Variants in WDR72 observed in about 807,000 individuals in gnomAD.
WDR72 encodes the protein WD repeat-containing protein 72.
In WDR72, 120 loss-of-function variants were observed where a neutral mutation model predicts 124.2. The observed-to-expected ratio is 0.97, with a 90% CI of 0.83 to 1.12. WDR72 has a LOEUF of 1.12. Ranked by LOEUF, WDR72 falls within the 50% of genes most tolerant of loss-of-function variation. WDR72 has a pLI of 0.00. For synonymous variants in WDR72, 452 were observed against 441.7 expected (o/e 1.02, Z -0.29); for missense variants, 1,387 against 1,278.8 (o/e 1.08, Z -1.29).
intron 18 of WDR72, among the ~76,000 whole-genome samples, chr15:53,572,839 G>A (rs1475040166): frequency 6.6e-6 from 1 of 152,164 alleles, no homozygotes; most frequent in Non-Finnish European, 1.5e-5. Flanking sequence ...CAGAAAGTCA[G>A]CATTCAGTAG....
chr15:53,516,596 G>A lies in WDR72; in HGVS notation c.*1103C>T, dbSNP rs1891472481. The A allele has an allele frequency of 6.6e-6, 1 of 151,978 alleles. No individual in the cohort carries two copies. Among genetic ancestry groups the A allele is most frequent in the Non-Finnish European group, 1.5e-5 (1 of 67,956 alleles). The allele number at this position is 151,978 out of a possible 1,614,324, so 9.4% of individuals were successfully genotyped here. ...TCCACTGCATCCCACCATAGGACCT[G>A]AGGCTGCTCCTATGCTCAGAGATAT... On this transcript the variant is annotated 3_prime_UTR_variant, in exon 20 of 20. Transcript: ENST00000360509.
chr15:53,608,730 T>C (rs1381742335), intron 17 of WDR72, among the ~76,000 whole-genome samples: 1 of 146,304 alleles, frequency 6.8e-6, no homozygotes, highest in South Asian at 2.2e-4. Context: ...CACTCCAGAC[T>C]GGGTGACAGA....
intron 1 of WDR72, among the ~76,000 whole-genome samples, chr15:53,749,832 A>G (rs1211819505): frequency 6.6e-6 from 1 of 152,180 alleles, no homozygotes; most frequent in Non-Finnish European, 1.5e-5. Flanking sequence ...CATCCACAAC[A>G]TTCCCTTAAG....
rs539891789 is a variant in WDR72 at position 53,754,551 on chromosome 15, A to G, written c.-13+5082T>C. Among the ~76,000 whole-genome samples the G allele has an allele frequency of 1.3e-4, 20 of 152,242 alleles. No homozygotes were observed. In the South Asian group the frequency reaches 3.5e-3, roughly 27 times the overall value. ...CAAAGAAGTCACTGTCCAGTGATATAAAGAAATTCTGTCCCTAGGGCATAA... is the reference window on the plus strand; with the variant it reads ...CAAAGAAGTCACTGTCCAGTGATATGAAGAAATTCTGTCCCTAGGGCATAA... On this transcript the variant is annotated intron_variant, in intron 1 of 19. Coordinates refer to ENST00000360509, the MANE Select transcript of WDR72 (RefSeq NM_182758.4).
intron 18 of WDR72, among the ~76,000 whole-genome samples, chr15:53,537,902 C>A (rs1191660123): frequency 1.3e-5 from 2 of 152,036 alleles, no homozygotes; most frequent in African/African-American, 2.4e-5. Context: ...TTGTTAGTGG[C>A]CCCCTTTTAT....
intron 14 of WDR72, among the ~76,000 whole-genome samples, chr15:53,645,100 T>C (rs2014995344): frequency 6.6e-6 from 1 of 152,146 alleles, no homozygotes; most frequent in Non-Finnish European, 1.5e-5. Context: ...CCAATTAAAG[T>C]GGAGCCTGCT....
intron 1 of WDR72, chr15:53,756,731 C>A (rs1453471390): frequency 2.6e-5 from 4 of 152,322 alleles, no homozygotes; most frequent in African/African-American, 9.6e-5. Context: ...ATGCGGTCCT[C>A]ATAATATCAA....
chr15:53,661,013 C>A (rs998173461), intron 14 of WDR72, among the ~76,000 whole-genome samples: 1 of 152,176 alleles, frequency 6.6e-6, no homozygotes, highest in Non-Finnish European at 1.5e-5. Flanking sequence ...ACCAGTGCAT[C>A]ACCTCTAGTC....
intron 12 of WDR72, among the ~76,000 whole-genome samples, chr15:53,701,125 G>T (rs1313874726): frequency 6.6e-6 from 1 of 152,100 alleles, no homozygotes; most frequent in South Asian, 2.1e-4. Context: ...AATTTAAGTT[G>T]ACATTTCATG....
chr15:53,695,706 C>T (rs1286660898), intron 13 of WDR72, among the ~76,000 whole-genome samples: 2 of 152,112 alleles, frequency 1.3e-5, no homozygotes, highest in East Asian at 3.9e-4. Flanking sequence ...CCACCTACGA[C>T]CCCAAAATTT....
intron 13 of WDR72, among the ~76,000 whole-genome samples, chr15:53,683,875 T>G (rs2016493348): frequency 6.6e-6 from 1 of 152,144 alleles, no homozygotes; most frequent in African/African-American, 2.4e-5. Flanking sequence ...ACTGTACTGC[T>G]ACCATTGAGT....
chr15:53,571,546 G>T (rs1894526337), intron 18 of WDR72, among the ~76,000 whole-genome samples: 1 of 152,000 alleles, frequency 6.6e-6, no homozygotes. Flanking sequence ...CAAATACTAG[G>T]ATTTCCTTCT....
At chr15:53,611,467 C>T (rs1031036968) in intron 16 of WDR72, among the ~76,000 whole-genome samples, 1 of 151,992 alleles carries the variant, frequency 6.6e-6, no homozygotes, top group African/African-American at 2.4e-5. Context: ...AATCCCCTTC[C>T]CAGTTACGAG....
chr15:53,530,265 A>T (rs1208769665), intron 18 of WDR72, among the ~76,000 whole-genome samples: 1 of 151,610 alleles, frequency 6.6e-6, no homozygotes, highest in East Asian at 2.0e-4. Flanking sequence ...ACAAGAAGTT[A>T]ATTGGTCATA....
intron 19 of WDR72, among the ~76,000 whole-genome samples, chr15:53,518,354 T>C (rs1891580939): frequency 1.3e-5 from 2 of 152,082 alleles, no homozygotes; most frequent in African/African-American, 4.8e-5. Flanking sequence ...GACATGTCTA[T>C]GAATAGTAAC....
chr15:53,699,180 G>T (rs1280826085), intron 13 of WDR72, among the ~76,000 whole-genome samples: 2 of 151,940 alleles, frequency 1.3e-5, no homozygotes, highest in Non-Finnish European at 2.9e-5. Context: ...ATATGTTCCA[G>T]CATTTTCTGG....
At chr15:53,744,411 A>G (rs898186419) in intron 1 of WDR72, among the ~76,000 whole-genome samples, 10 of 152,228 alleles carry the variant, frequency 6.6e-5, no homozygotes, top group African/African-American at 2.4e-4. Context: ...CCTCCCAGTA[A>G]TGCAGTCCTG....
chr15:53,714,368 A>C, intron 6 of WDR72, 66 bp downstream of exon 6: 1 of 1,332,180 alleles, frequency 7.5e-7, no homozygotes, highest in Non-Finnish European at 1.1e-6. Flanking sequence ...ATAGCCTTAA[A>C]ATTTATAAAT....
At chr15:53,744,840 T>G (rs1261079488) in intron 1 of WDR72, among the ~76,000 whole-genome samples, 1 of 152,198 alleles carries the variant, frequency 6.6e-6, no homozygotes, top group Non-Finnish European at 1.5e-5. Context: ...GGAAAGGTGG[T>G]GTGACCTTCC....
Sources: allele counts gnomAD v4.1 joint callset (sites outside exome capture counted in the v4.1 genomes callset), GRCh38; gene constraint gnomAD v4.1.1; transcripts MANE v1.5; gene names NCBI Gene and HGNC (gene_info 2026-07-23, HGNC 2026-07-21).